SAMD4A: variants seen among roughly 807,000 people sequenced by gnomAD.
SAMD4A encodes the protein protein Smaug homolog 1.
Under a neutral mutation model 81.3 loss-of-function variants are expected in SAMD4A, and 33 were observed. That is an observed-to-expected ratio of 0.41 (90% CI 0.31 to 0.54). The LOEUF (loss-of-function observed/expected upper bound fraction) is 0.54. Ranked by LOEUF, SAMD4A falls within the 20% of genes least tolerant of loss-of-function variation. The pLI is 0.37. For synonymous variants in SAMD4A, 389 were observed against 382.1 expected, an observed-to-expected ratio of 1.02 and a Z score of -0.21; for missense variants, 854 against 951.1, an observed-to-expected ratio of 0.90 and a Z score of 1.34.
chr14:54,582,800 G>A (rs1358485346), intron 2 of SAMD4A, among the ~76,000 whole-genome samples: 1 of 151,988 alleles, frequency 6.6e-6, no homozygotes, highest in Non-Finnish European at 1.5e-5. Context: ...GACGCATGCA[G>A]AAGTCTTTTA....
chr14:54,747,708 G>A (rs1158392335), intron 4 of SAMD4A, among the ~76,000 whole-genome samples: 1 of 152,242 alleles, frequency 6.6e-6, no homozygotes, highest in Non-Finnish European at 1.5e-5. Flanking sequence ...CATTTTATAA[G>A]AATTGGTACA....
At chr14:54,730,131 A>T (rs1011772224) in intron 3 of SAMD4A, among the ~76,000 whole-genome samples, 5 of 152,234 alleles carry the variant, frequency 3.3e-5, no homozygotes, top group African/African-American at 1.2e-4. Context: ...AGAAACATAC[A>T]TCTTTGCTCT....
At chr14:54,737,891 A>T (rs191719134) in intron 4 of SAMD4A, among the ~76,000 whole-genome samples, 384 of 152,290 alleles carry the variant, frequency 2.5e-3, no homozygotes, top group Admixed American at 4.4e-3. Flanking sequence ...AGATTTGCAT[A>T]CAGGTGATAA....
chr14:54,603,109 G>A (rs540089283), intron 2 of SAMD4A, among the ~76,000 whole-genome samples: 2 of 152,264 alleles, frequency 1.3e-5, no homozygotes, highest in East Asian at 1.9e-4. Context: ...GGGGAGCGAG[G>A]CGGACCATGT....
intron 2 of SAMD4A, among the ~76,000 whole-genome samples, chr14:54,611,176 A>G (rs1247089395): frequency 6.6e-6 from 1 of 152,264 alleles, no homozygotes; most frequent in African/African-American, 2.4e-5. Context: ...AAATTCAAAG[A>G]TTAGTTAATG....
chr14:54,632,208 C>T (rs536528901), intron 2 of SAMD4A, among the ~76,000 whole-genome samples: 30 of 152,278 alleles, frequency 2.0e-4, no homozygotes, highest in Admixed American at 3.3e-4. Context: ...AAACCACTTA[C>T]TATTAGATAT....
intron 2 of SAMD4A, among the ~76,000 whole-genome samples, chr14:54,580,136 C>T (rs1318319021): frequency 6.6e-6 from 1 of 152,146 alleles, no homozygotes; most frequent in African/African-American, 2.4e-5. Context: ...ACTAAGGGCA[C>T]CTGTTAGTAG....
At chr14:54,745,547 A>C (rs950392337) in intron 4 of SAMD4A, among the ~76,000 whole-genome samples, 1 of 152,152 alleles carries the variant, frequency 6.6e-6, no homozygotes, top group South Asian at 2.1e-4. Flanking sequence ...TGCTGTTATA[A>C]TTTTTGTATA....
At chr14:54,777,994 G>GAATT (rs1566635816) in intron 11 of SAMD4A, among the ~76,000 whole-genome samples, 4 of 152,106 alleles carry the variant, frequency 2.6e-5, no homozygotes, top group Non-Finnish European at 1.5e-5. Flanking sequence ...TTTTCACGCA[G>GAATT]AATTATGTAT....
chr14:54,592,350 C>CA (rs1187277630), intron 2 of SAMD4A, among the ~76,000 whole-genome samples: 13 of 152,358 alleles, frequency 8.5e-5, no homozygotes, highest in Non-Finnish European at 1.5e-4. Context: ...GGCAAGCTCA[C>CA]ACACATGCTA....
At chr14:54,737,408 C>A in intron 4 of SAMD4A, 121 bp downstream of exon 4, 2 of 1,171,824 alleles carry the variant, frequency 1.7e-6, no homozygotes, top group Non-Finnish European at 2.4e-6. Flanking sequence ...CAGGCTTACG[C>A]ATTTGATCTG....
At chr14:54,652,496 A>G (rs1257658228) in intron 2 of SAMD4A, among the ~76,000 whole-genome samples, 4 of 152,070 alleles carry the variant, frequency 2.6e-5, no homozygotes, top group African/African-American at 9.7e-5. Flanking sequence ...AAATACATTT[A>G]ATTATATTCC....
intron 2 of SAMD4A, among the ~76,000 whole-genome samples, chr14:54,572,650 A>C (rs1389547587): frequency 6.6e-6 from 1 of 152,216 alleles, no homozygotes; most frequent in Non-Finnish European, 1.5e-5. Context: ...TAAGTTGTAG[A>C]AGATTTTTAG....
chr14:54,699,114 C>T (rs576786954), intron 2 of SAMD4A, among the ~76,000 whole-genome samples: 31 of 152,322 alleles, frequency 2.0e-4, no homozygotes, highest in Non-Finnish European at 4.0e-4. Context: ...AGTAGGCTTA[C>T]AGCATAACCC....
chr14:54,723,494 G>C (rs978171888), intron 3 of SAMD4A, among the ~76,000 whole-genome samples: 2 of 152,190 alleles, frequency 1.3e-5, no homozygotes, highest in Non-Finnish European at 2.9e-5. Flanking sequence ...AGGATTCAGA[G>C]AGGCATCTTG....
At chr14:54,582,055 T>C (rs2140147813) in intron 2 of SAMD4A, among the ~76,000 whole-genome samples, 1 of 152,320 alleles carries the variant, frequency 6.6e-6, no homozygotes, top group East Asian at 1.9e-4. Context: ...TTTTGCAGAT[T>C]ATTGTGGTAT....
At chr14:54,626,059 T>TGTGTGTGTGTGCGCGCGC (rs368142521) in intron 2 of SAMD4A, among the ~76,000 whole-genome samples, 3 of 102,096 alleles carry the variant, frequency 2.9e-5, no homozygotes, top group Admixed American at 2.8e-4. Flanking sequence ...TGTGTGTGTG[T>TGTGTGTGTGTGCGCGCGC]GCGCGCGCGC....
intron 2 of SAMD4A, among the ~76,000 whole-genome samples, chr14:54,620,982 C>T (rs1008161252): frequency 6.6e-6 from 1 of 152,126 alleles, no homozygotes; most frequent in Non-Finnish European, 1.5e-5. Context: ...GTTGCTTGGG[C>T]TGGTCTCTCA....
At chr14:54,748,962 C>A (rs903873713) in intron 5 of SAMD4A, 38 bp downstream of exon 5, 1 of 1,424,344 alleles carries the variant, frequency 7.0e-7, no homozygotes, top group Middle Eastern at 1.7e-4. Context: ...AGAGGGTGCC[C>A]CAGGCAGGAC....
Sources: gnomAD v4.1 joint callset for allele counts (sites outside exome capture counted in the v4.1 genomes callset) on GRCh38, gnomAD v4.1.1 for gene constraint, MANE v1.5 for transcripts, NCBI Gene and HGNC (gene_info 2026-07-23, HGNC 2026-07-21) for gene names.